TRABD2B: variants seen among roughly 807,000 people sequenced by gnomAD.
TRABD2B encodes the protein TraB domain containing 2B, also known as metalloprotease TIKI2.
TRABD2B carries 14 observed loss-of-function variants against 40.1 expected under a neutral mutation model. That is an observed-to-expected ratio of 0.35 (90% CI 0.23 to 0.55). The LOEUF is 0.55. Ranked by LOEUF, TRABD2B falls within the 20% of genes least tolerant of loss-of-function variation. The pLI, the probability that TRABD2B is intolerant of heterozygous loss-of-function variation, is 0.90. For synonymous variants in TRABD2B, 263 were observed against 277.0 expected (o/e 0.95, Z 0.50); for missense variants, 541 against 648.6 (o/e 0.83, Z 1.80).
intron 2 of TRABD2B, 126 bp from the exon 3 acceptor site, chr1:47,801,745 G>T: frequency 8.5e-7 from 1 of 1,174,454 alleles, no homozygotes; most frequent in Non-Finnish European, 1.2e-6. Context: ...TGTGGGGCTG[G>T]CACCAGCTGG....
At chr1:47,877,122 T>G (rs1644236367) in intron 2 of TRABD2B, among the ~76,000 whole-genome samples, 1 of 150,922 alleles carries the variant, frequency 6.6e-6, no homozygotes, top group South Asian at 2.1e-4. Context: ...AAGGGACATC[T>G]GAAAAGGACT....
At chr1:47,935,490 G>A (rs1645095113) in intron 2 of TRABD2B, among the ~76,000 whole-genome samples, 1 of 152,174 alleles carries the variant, frequency 6.6e-6, no homozygotes. Context: ...CTCAGGAAAT[G>A]ACCACTGAGC....
chr1:47,995,453 G>A (rs546515015), intron 1 of TRABD2B, among the ~76,000 whole-genome samples: 1 of 152,136 alleles, frequency 6.6e-6, no homozygotes, highest in Admixed American at 6.5e-5. Flanking sequence ...AACCCCAGTT[G>A]TTTGTCATTT....
intron 2 of TRABD2B, among the ~76,000 whole-genome samples, chr1:47,846,896 A>ACACACACAC (rs1557610238): frequency 4.7e-5 from 7 of 148,470 alleles, no homozygotes; most frequent in South Asian, 2.2e-4. Flanking sequence ...ACACACACAC[A>ACACACACAC]AATGAGGGCT....
intron 2 of TRABD2B, among the ~76,000 whole-genome samples, chr1:47,816,169 G>A (rs545155322): frequency 3.3e-5 from 5 of 152,270 alleles, no homozygotes; most frequent in African/African-American, 1.2e-4. Flanking sequence ...TGCTGCTGGA[G>A]GGCATGCACA....
At chr1:47,860,138 G>A (rs527486947) in intron 2 of TRABD2B, among the ~76,000 whole-genome samples, 3 of 152,262 alleles carry the variant, frequency 2.0e-5, no homozygotes, top group African/African-American at 4.8e-5. Context: ...CATTCCTGGA[G>A]AACTAAATGC....
intron 3 of TRABD2B, among the ~76,000 whole-genome samples, chr1:47,801,173 G>T (rs1644818169): frequency 6.6e-6 from 1 of 152,198 alleles, no homozygotes; most frequent in Admixed American, 6.5e-5. Context: ...TTCCCCAGAT[G>T]TAGAACTGAA....
rs185095962 is a variant in TRABD2B, at chr1:47,842,520, T to A, written c.667-40901A>T. ...TCCAGCACCAGCCTCGGTGGAAAGC[T>A]TCCAGGTGACATGGTTTGGAAGTTC... On this transcript the variant is annotated intron_variant, in intron 2 of 6. Coordinates refer to ENST00000606738, the MANE Select transcript of TRABD2B (RefSeq NM_001194986.2). Among the ~76,000 whole-genome samples the A allele has an allele frequency of 6.8e-4, 103 of 152,190 alleles. 1 individual carries two copies. Among genetic ancestry groups the A allele is most frequent in the African/African-American group, 2.3e-3 (96 of 41,516 alleles).
chr1:47,893,254 A>G (rs1644474115), intron 2 of TRABD2B, among the ~76,000 whole-genome samples: 1 of 152,198 alleles, frequency 6.6e-6, no homozygotes, highest in African/African-American at 2.4e-5. Flanking sequence ...AAAAACAAAA[A>G]CAAAAACTGA....
At chr1:47,810,099 T>C (rs542779839) in intron 2 of TRABD2B, among the ~76,000 whole-genome samples, 4 of 152,040 alleles carry the variant, frequency 2.6e-5, no homozygotes, top group Non-Finnish European at 5.9e-5. Context: ...TGGAGAGTGA[T>C]AGTTGCTATG....
intron 2 of TRABD2B, among the ~76,000 whole-genome samples, chr1:47,953,432 A>G (rs1645374721): frequency 6.6e-6 from 1 of 152,192 alleles, no homozygotes; most frequent in Non-Finnish European, 1.5e-5. Flanking sequence ...TTCAAGTCAC[A>G]TGGTCCTTTG....
intron 2 of TRABD2B, among the ~76,000 whole-genome samples, chr1:47,870,690 T>C (rs1182103654): frequency 6.6e-6 from 1 of 152,184 alleles, no homozygotes; most frequent in Admixed American, 6.5e-5. Flanking sequence ...CTCAAATGGC[T>C]CAGGGTCTAG....
At chr1:47,914,179 G>A (rs1644798909) in intron 2 of TRABD2B, among the ~76,000 whole-genome samples, 1 of 152,266 alleles carries the variant, frequency 6.6e-6, no homozygotes. Context: ...CCTGGCAGGT[G>A]ACGTCGTGAG....
chr1:47,763,221 A>T lies in TRABD2B; in HGVS notation c.*2681T>A, dbSNP rs910623013. 6.6e-6 allele frequency: 1 copy of T among 152,250 alleles called. No individual in the cohort carries two copies. Among genetic ancestry groups the T allele is most frequent in the African/African-American group, 2.4e-5 (1 of 41,464 alleles). The allele number at this position is 152,250 out of a possible 1,614,324, so 9.4% of individuals were successfully genotyped here. On this transcript the variant is annotated 3_prime_UTR_variant, in exon 7 of 7. Coordinates refer to ENST00000606738, the MANE Select transcript of TRABD2B (RefSeq NM_001194986.2). ...ATATGTGCCTCAAGTCTTTTGGGTC[A>T]TAAGTCAGCAAGTTGAGTTCATTTC...
Position 47,765,994 on chromosome 1 carries a change from C to CT in TRABD2B, c.1461_1462insA (p.Ala488SerfsTer26). The CT allele has an allele frequency of 1.4e-6, 1 of 698,394 alleles. No homozygotes were observed. Among genetic ancestry groups the CT allele is most frequent in the East Asian group, 2.7e-5 (1 of 37,230 alleles). The allele number at this position is 698,394 out of a possible 1,614,324, so 43.3% of individuals were successfully genotyped here. A position where few individuals can be genotyped will look rare whatever the true frequency, so the allele number is the denominator to read the frequency against. On this transcript the variant is annotated frameshift_variant, in exon 7 of 7. Coordinates refer to ENST00000606738, the MANE Select transcript of TRABD2B (RefSeq NM_001194986.2). LOFTEE classifies it low-confidence loss of function (END_TRUNC). Reference sequence around the variant, plus strand: ...CCCAGGGTGGGTGCCGAGCTGCTGGCGGGCCCTGGCGGGTCCTGCTGTTGT... The same window carrying CT: ...CCCAGGGTGGGTGCCGAGCTGCTGGCTGGGCCCTGGCGGGTCCTGCTGTTGT...
intron 2 of TRABD2B, among the ~76,000 whole-genome samples, chr1:47,839,462 T>C (rs994605608): frequency 3.3e-5 from 5 of 152,178 alleles, no homozygotes; most frequent in Non-Finnish European, 7.3e-5. Context: ...ATGCTACAGC[T>C]TTCCCTTTAT....
intron 2 of TRABD2B, among the ~76,000 whole-genome samples, chr1:47,858,394 A>G (rs2124546316): frequency 6.6e-6 from 1 of 152,176 alleles, no homozygotes; most frequent in African/African-American, 2.4e-5. Flanking sequence ...AGTAGCTGGG[A>G]CTACAGGCAT....
At chr1:47,878,403 A>G (rs1170215586) in intron 2 of TRABD2B, among the ~76,000 whole-genome samples, 1 of 152,228 alleles carries the variant, frequency 6.6e-6, no homozygotes, top group African/African-American at 2.4e-5. Flanking sequence ...GACAGAAGGG[A>G]TTACACTGTG....
In TRABD2B at chr1:47,996,781, G is replaced by T. The variant is rs922250519; in HGVS notation, c.9C>A (p.Ala3=). The T allele has an allele frequency of 1.1e-5, 13 of 1,207,516 alleles. No individual in the cohort carries two copies. The African/African-American group carries it at 2.0e-4, about 19-fold the overall frequency. 74.8% of individuals were successfully genotyped at this position (1,207,516 alleles called of 1,614,324 possible). Residue 3 remains alanine (A), a synonymous_variant, in exon 1 of 7, where the codon GCC becomes GCA. Transcript: ENST00000606738. This position sits in a 1 kb window ranked among gnomAD's most constrained non-coding sequence, Gnocchi z 4.6. MH[A]ALAGPLLAAL... is the part of the protein sequence containing the mutation. Reference sequence around the variant, plus strand: ...CGGCGAGCAGCGGCCCCGCCAGGGCGGCGTGCATCCTGCCAGGGCCCGCGG... The same window carrying T: ...CGGCGAGCAGCGGCCCCGCCAGGGCTGCGTGCATCCTGCCAGGGCCCGCGG...
Sources: allele counts gnomAD v4.1 joint callset (sites outside exome capture counted in the v4.1 genomes callset), GRCh38; gene constraint gnomAD v4.1.1; non-coding constraint Gnocchi (gnomAD v3.1); transcripts MANE v1.5; gene names NCBI Gene and HGNC (gene_info 2026-07-23, HGNC 2026-07-21).